ELP4: variants seen among roughly 807,000 people sequenced by gnomAD.
ELP4 encodes elongator acetyltransferase complex subunit 4.
ELP4 carries 51 observed loss-of-function variants against 48.9 expected under a neutral mutation model. The observed-to-expected ratio is 1.04, with a 90% confidence interval of 0.83 to 1.32. The LOEUF is 1.32. Ranked by LOEUF, ELP4 falls within the 40% of genes most tolerant of loss-of-function variation. The pLI is 0.00. For missense variants in ELP4, 519 were observed against 514.6 expected (o/e 1.01, Z -0.08); for synonymous variants, 210 against 189.2 (o/e 1.11, Z -0.90).
chr11:31,723,067 C>T (rs1158532519), intron 9 of ELP4, among the ~76,000 whole-genome samples: 1 of 152,168 alleles, frequency 6.6e-6, no homozygotes, highest in African/African-American at 2.4e-5. Context: ...CCCAGTCACC[C>T]ACCAAAGTCC....
chr11:31,544,779 C>A (rs1214173858), intron 3 of ELP4, among the ~76,000 whole-genome samples: 3 of 152,162 alleles, frequency 2.0e-5, no homozygotes, highest in Non-Finnish European at 4.4e-5. Context: ...ACACCTCACA[C>A]GGCCGGGTAC....
intron 7 of ELP4, chr11:31,646,523 A>C (rs1390506832): frequency 6.6e-6 from 1 of 151,766 alleles, no homozygotes; most frequent in East Asian, 1.9e-4. Flanking sequence ...TTATAAAGGG[A>C]CTTAAGAAAC....
At chr11:31,564,998 A>G (rs1350286172) in intron 3 of ELP4, among the ~76,000 whole-genome samples, 2 of 152,304 alleles carry the variant, frequency 1.3e-5, no homozygotes, top group East Asian at 1.9e-4. Context: ...CACCAACAGT[A>G]TAAAAGTGTT....
At chr11:31,517,897 C>T (rs747050144) in intron 1 of ELP4, among the ~76,000 whole-genome samples, 3 of 151,982 alleles carry the variant, frequency 2.0e-5, no homozygotes, top group Non-Finnish European at 4.4e-5. Context: ...GGATTACAGT[C>T]GTGAGCCACC....
chr11:31,723,167 T>C (rs1208817205), intron 9 of ELP4, among the ~76,000 whole-genome samples: 1 of 152,068 alleles, frequency 6.6e-6, no homozygotes, highest in East Asian at 1.9e-4. Flanking sequence ...TACACCCTCA[T>C]CTAGGCCCTG....
chr11:31,734,819 T>C (rs1947270446), intron 9 of ELP4, among the ~76,000 whole-genome samples: 1 of 152,196 alleles, frequency 6.6e-6, no homozygotes, highest in Admixed American at 6.5e-5. Context: ...ATGCAATCCC[T>C]ATGGGAAGCC....
chr11:31,601,506 G>C (rs1364633167), intron 4 of ELP4, among the ~76,000 whole-genome samples: 5 of 151,924 alleles, frequency 3.3e-5, no homozygotes, highest in Non-Finnish European at 4.4e-5. Context: ...TGTTCTATAT[G>C]TAAACTGTCT....
intron 6 of ELP4, among the ~76,000 whole-genome samples, chr11:31,629,729 CTCCTTTTACCT>C (rs1301782071): frequency 1.3e-5 from 2 of 150,248 alleles, no homozygotes; most frequent in Admixed American, 6.6e-5. Flanking sequence ...TTATCCTGCT[CTCCTTTTACCT>C]TTGCGTTTCA....
rs187701093 is a variant in ELP4 at position 31,748,460 on chromosome 11, G to A, written c.1144-34933G>A. Among the ~76,000 whole-genome samples, 674 of 152,070 alleles carry A rather than the reference G, an allele frequency of 4.4e-3. 1 individual carries two copies. The highest frequency in any genetic ancestry group is 0.017 in the Middle Eastern group (5 of 294). On this transcript the variant is annotated intron_variant, in intron 9 of 9. Coordinates refer to ENST00000640961, the MANE Select transcript of ELP4 (RefSeq NM_019040.5). ...GGGTTTCACCATGTTGACCAGGCTGGTCTTGAACTCCTGACCTCAGGTGAT... is the reference window on the plus strand; with the variant it reads ...GGGTTTCACCATGTTGACCAGGCTGATCTTGAACTCCTGACCTCAGGTGAT...
chr11:31,589,847 G>T (rs560451174), intron 3 of ELP4, among the ~76,000 whole-genome samples: 2 of 152,208 alleles, frequency 1.3e-5, no homozygotes, highest in Admixed American at 6.5e-5. Context: ...ATCTTTATCA[G>T]TGTTAAACTT....
intron 3 of ELP4, among the ~76,000 whole-genome samples, chr11:31,553,427 G>A (rs551910836): frequency 2.0e-5 from 3 of 152,032 alleles, no homozygotes; most frequent in Non-Finnish European, 4.4e-5. Flanking sequence ...AAACAAAAAC[G>A]CTGACCATCC....
At chr11:31,616,754 G>T (rs751917125) in intron 5 of ELP4, among the ~76,000 whole-genome samples, 1 of 151,954 alleles carries the variant, frequency 6.6e-6, no homozygotes, top group African/African-American at 2.4e-5. Context: ...TATAAAATAG[G>T]CAAAGGACTT....
intron 1 of ELP4, among the ~76,000 whole-genome samples, chr11:31,518,723 C>T (rs1264623491): frequency 2.6e-5 from 4 of 151,462 alleles, no homozygotes; most frequent in East Asian, 2.0e-4. Flanking sequence ...AGTGAAACCC[C>T]GTCTCTACTA....
At chr11:31,542,318 A>G (rs1956605381) in intron 3 of ELP4, among the ~76,000 whole-genome samples, 1 of 152,184 alleles carries the variant, frequency 6.6e-6, no homozygotes, top group African/African-American at 2.4e-5. Flanking sequence ...TTTATAAATC[A>G]GAGTACCTGA....
chr11:31,717,005 T>A (rs971034228), intron 9 of ELP4, among the ~76,000 whole-genome samples: 7 of 152,068 alleles, frequency 4.6e-5, no homozygotes, highest in Non-Finnish European at 1.0e-4. Context: ...GTTCTAAATA[T>A]AAGAAATTGC....
intron 9 of ELP4, among the ~76,000 whole-genome samples, chr11:31,655,319 T>C (rs1945408846): frequency 6.6e-6 from 1 of 151,958 alleles, no homozygotes; most frequent in Admixed American, 6.6e-5. Flanking sequence ...AGAACACAGT[T>C]TTGAGAATCT....
At position 31,732,722 on chromosome 11, in the gene ELP4, T is replaced by C. The variant is rs181930694; in HGVS notation, c.1144-50671T>C. 5.9e-5 allele frequency among the ~76,000 whole-genome samples: 9 copies of C among 152,298 alleles called. No individual in the cohort carries two copies. In the East Asian group the frequency reaches 1.2e-3, roughly 20 times the overall value. On this transcript the variant is annotated intron_variant, in intron 9 of 9. Transcript: ENST00000640961. ...CTGAAAGAAGAGGGATGGAAAAAGA[T>C]ACTTCATGCAAATGGAAACCAAAAT...
chr11:31,655,089 CAT>C (rs1491234251), intron 9 of ELP4, among the ~76,000 whole-genome samples: 2 of 151,908 alleles, frequency 1.3e-5, no homozygotes, highest in Non-Finnish European at 2.9e-5. Context: ...CCCAAATTAA[CAT>C]TTTTTAACAA....
At position 31,740,487 on chromosome 11, in the gene ELP4, G is replaced by A. The variant is rs372687619; in HGVS notation, c.1144-42906G>A. On this transcript the variant is annotated intron_variant, in intron 9 of 9. Coordinates refer to ENST00000640961, the MANE Select transcript of ELP4 (RefSeq NM_019040.5). ...GTTGATTTCAGCAAAACAGTTTGAT[G>A]TGTGTTTTATCCTGAATCATTTAGA... Among the ~76,000 whole-genome samples, 15 of 152,334 alleles carry A rather than the reference G, an allele frequency of 9.8e-5. 2 individuals are homozygous for A. In the South Asian group the frequency reaches 3.1e-3, roughly 32 times the overall value.
Sources: gnomAD v4.1 joint callset for allele counts (sites outside exome capture counted in the v4.1 genomes callset) on GRCh38, gnomAD v4.1.1 for gene constraint, MANE v1.5 for transcripts, NCBI Gene and HGNC (gene_info 2026-07-23, HGNC 2026-07-21) for gene names.